The following NRCAM variants were observed in gnomAD, a reference collection of about 807,000 sequenced individuals.
The protein encoded by NRCAM is neuronal cell adhesion molecule, also known as NgCAM-related cell adhesion molecule.
A neutral mutation model predicts 156.5 loss-of-function variants in NRCAM; 83 were observed. The ratio of observed to expected loss-of-function variants is 0.53; its 90% CI spans 0.44 to 0.64. NRCAM has a LOEUF of 0.64. Among genes scored for constraint, NRCAM ranks in the 30% least tolerant of loss-of-function variants. The pLI, the probability that NRCAM is intolerant of heterozygous loss-of-function variation, is 0.00. For missense variants in NRCAM, 1,417 were observed against 1,597.3 expected (o/e 0.89, Z 1.92); for synonymous variants, 538 against 563.9 (o/e 0.95, Z 0.65).
chr7:108,380,149 G>GT (rs2099694558), intron 2 of NRCAM, among the ~76,000 whole-genome samples: 2 of 152,084 alleles, frequency 1.3e-5, no homozygotes, highest in African/African-American at 2.4e-5. Context: ...ATAAAAAATT[G>GT]TAACACTCAC....
chr7:108,293,108 A>G (rs1371081611), intron 3 of NRCAM, among the ~76,000 whole-genome samples: 2 of 152,174 alleles, frequency 1.3e-5, no homozygotes, highest in African/African-American at 4.8e-5. Context: ...AACAGGGGCC[A>G]TGGAAAATCA....
At chr7:108,422,730 T>C (rs1382937394) in intron 1 of NRCAM, among the ~76,000 whole-genome samples, 1 of 152,208 alleles carries the variant, frequency 6.6e-6, no homozygotes, top group Non-Finnish European at 1.5e-5. Flanking sequence ...AGGTGCTTAA[T>C]AAAATTTCAC....
At chr7:108,381,957 T>G (rs958947368) in intron 2 of NRCAM, among the ~76,000 whole-genome samples, 1 of 152,098 alleles carries the variant, frequency 6.6e-6, no homozygotes, top group Non-Finnish European at 1.5e-5. Context: ...CCCCATTAAA[T>G]AAGGAGAGAT....
chr7:108,270,911 T>G (rs901571854), intron 3 of NRCAM, among the ~76,000 whole-genome samples: 6 of 152,202 alleles, frequency 3.9e-5, no homozygotes, highest in African/African-American at 1.4e-4. Context: ...GTTTAGAGTT[T>G]CAGCTGGGGA....
intron 2 of NRCAM, among the ~76,000 whole-genome samples, chr7:108,332,854 C>T (rs905480797): frequency 6.6e-6 from 1 of 151,798 alleles, no homozygotes; most frequent in South Asian, 2.1e-4. Context: ...ATGTATCAGA[C>T]AATTCAAAGA....
chr7:108,368,224 A>ACCCCCCCCCCCCCCCCCCCC (rs67897117), intron 2 of NRCAM, among the ~76,000 whole-genome samples: 92 of 91,068 alleles, frequency 1.0e-3, no homozygotes, highest in Non-Finnish European at 1.2e-3. Flanking sequence ...ACACTTTCAT[A>ACCCCCCCCCCCCCCCCCCCC]CCCCCCCCCA....
Position 108,226,369 on chromosome 7 carries a change from C to G in NRCAM, c.560G>C (p.Arg187Thr). The G allele has an allele frequency of 6.2e-7, 1 of 1,611,586 alleles. No homozygotes were observed. The highest frequency in any genetic ancestry group is 1.3e-5 in the African/African-American group (1 of 74,936). The change falls in exon 9 of 33, where the codon AGA (arginine) becomes ACA (threonine). Residue 187 changes from arginine (R) to threonine (T), a missense_variant. Coordinates refer to ENST00000379028, the MANE Select transcript of NRCAM (RefSeq NM_001037132.4). ...IIFWMDNSFQ[R>T]LPQSERVSQG... ...AGAAACTCTCTCACTTTGTGGAAGTCTTTGAAAGGCTGGAGAAAGGCAGAG... is the reference window on the plus strand; with the variant it reads ...AGAAACTCTCTCACTTTGTGGAAGTGTTTGAAAGGCTGGAGAAAGGCAGAG...
intron 32 of NRCAM, chr7:108,156,323 G>A: frequency 1.0e-6 from 1 of 984,856 alleles, no homozygotes; most frequent in Non-Finnish European, 1.2e-6. Context: ...TGGGCATATG[G>A]TTTATGACCT....
Position 108,234,566 on chromosome 7 carries a change from G to A in NRCAM, c.230+17C>T, listed in dbSNP as rs1340836139. On this transcript the variant is annotated intron_variant, in intron 6 of 32. Transcript: ENST00000379028. ...GATTTATTCTCAGTACTATAACAAA[G>A]CAGAATGCACACTCACCTTGGGGGC... The A allele has an allele frequency of 7.1e-7, 1 of 1,412,694 alleles. No individual in the cohort carries two copies. Among genetic ancestry groups the A allele is most frequent in the Non-Finnish European group, 1.0e-6 (1 of 1,000,328 alleles). 87.5% of individuals were successfully genotyped at this position (1,412,694 alleles called of 1,614,324 possible). A position where few individuals can be genotyped will look rare whatever the true frequency, so the allele number is the denominator to read the frequency against.
intron 2 of NRCAM, among the ~76,000 whole-genome samples, chr7:108,358,707 G>C (rs1397376753): frequency 6.6e-6 from 1 of 152,134 alleles, no homozygotes; most frequent in East Asian, 1.9e-4. Flanking sequence ...CCTGAACACT[G>C]TAAGTCACTC....
At position 108,304,613 on chromosome 7, in the gene NRCAM, T is replaced by G. The variant is rs1300909047; in HGVS notation, c.-107+8052A>C. ...AGATTCCATAAATTAGTATCTTATT[T>G]GTACCAATGAGACCCAAATGACTTC... On this transcript the variant is annotated intron_variant, in intron 3 of 32. Transcript: ENST00000379028. 2.6e-5 allele frequency among the ~76,000 whole-genome samples: 4 copies of G among 152,326 alleles called. No individual in the cohort carries two copies. In the East Asian group the frequency reaches 7.7e-4, roughly 29 times the overall value.
intron 2 of NRCAM, among the ~76,000 whole-genome samples, chr7:108,387,603 T>G (rs890562089): frequency 1.3e-5 from 2 of 152,192 alleles, no homozygotes; most frequent in African/African-American, 4.8e-5. Flanking sequence ...CTAGGGTACA[T>G]GTGCACAACG....
chr7:108,324,806 G>A (rs553816628), intron 2 of NRCAM, among the ~76,000 whole-genome samples: 2 of 147,206 alleles, frequency 1.4e-5, no homozygotes, highest in East Asian at 4.0e-4. Context: ...TTCATATGCT[G>A]TTATGTCCAT....
chr7:108,226,334 T>C lies in NRCAM; in HGVS notation c.595A>G (p.Asn199Asp), dbSNP rs1457523368. 4 of 1,612,598 alleles carry C rather than the reference T, an allele frequency of 2.5e-6. No homozygotes were observed. The highest frequency in any genetic ancestry group is 1.7e-4 in the Middle Eastern group (1 of 6,056). Residue 199 changes from asparagine (N) to aspartate (D), a missense_variant, in exon 9 of 33, where the codon AAT becomes GAT. Asn to Asp is a conservative substitution (Grantham distance 23). This residue lies in a region of NRCAM where 1,238 missense variants were observed against 1,336.4 expected (regional missense o/e 0.93). Transcript: ENST00000379028. ...ACATTGGAAAAATAAAGGTCCCCAT[T>C]CAAACCTTGAGAAACTCTCTCACTT... is the stretch of plus-strand genomic sequence containing the variant. ...PQSERVSQGL[N>D]GDLYFSNVLP...
chr7:108,346,091 TAAG>T (rs1454301554), intron 2 of NRCAM, among the ~76,000 whole-genome samples: 1 of 152,108 alleles, frequency 6.6e-6, no homozygotes, highest in East Asian at 1.9e-4. Flanking sequence ...GTAGCTCAGG[TAAG>T]AAATTATGCA....
rs186690126 is a variant in NRCAM at position 108,257,960 on chromosome 7, T to C, written c.-106-17790A>G. Among the ~76,000 whole-genome samples the C allele has an allele frequency of 1.1e-3, 168 of 152,226 alleles. 1 individual carries two copies. Among genetic ancestry groups the C allele is most frequent in the African/African-American group, 3.9e-3 (161 of 41,530 alleles). On this transcript the variant is annotated intron_variant, in intron 3 of 32. Coordinates refer to ENST00000379028, the MANE Select transcript of NRCAM (RefSeq NM_001037132.4). ...TCCACTTCACCGGGCATGCTGAGGATTATGAACACTTTTCAAAGTCAACGC... is the reference window on the plus strand; with the variant it reads ...TCCACTTCACCGGGCATGCTGAGGACTATGAACACTTTTCAAAGTCAACGC...
chr7:108,311,430 A>C (rs2098802051), intron 3 of NRCAM, among the ~76,000 whole-genome samples: 1 of 152,168 alleles, frequency 6.6e-6, no homozygotes, highest in African/African-American at 2.4e-5. Flanking sequence ...AAAATAGGTC[A>C]TTTTGCTTCA....
intron 3 of NRCAM, among the ~76,000 whole-genome samples, chr7:108,255,620 G>T (rs1326141712): frequency 6.6e-6 from 1 of 151,806 alleles, no homozygotes. Context: ...TCTCTGCCTG[G>T]CTGCCCATCG....
chr7:108,297,842 C>G (rs773016469), intron 3 of NRCAM, among the ~76,000 whole-genome samples: 6 of 152,184 alleles, frequency 3.9e-5, no homozygotes, highest in Non-Finnish European at 7.3e-5. Flanking sequence ...TTTCTTGCCA[C>G]AGGTTCAGGA....
Sources: allele counts gnomAD v4.1 joint callset (sites outside exome capture counted in the v4.1 genomes callset), GRCh38; gene constraint gnomAD v4.1.1; regional missense constraint gnomAD v4.1.1; transcripts MANE v1.5; gene names NCBI Gene and HGNC (gene_info 2026-07-23, HGNC 2026-07-21).